The following PHF6 variants were observed in gnomAD, a reference collection of about 807,000 sequenced individuals.
PHF6 encodes the protein PHD-like zinc finger protein.
A neutral mutation model predicts 34.0 loss-of-function variants in PHF6; 7 were observed. The observed-to-expected ratio is 0.21, with a 90% CI of 0.12 to 0.39. The LOEUF is 0.39. Ranked by LOEUF, PHF6 falls within the 10% of genes least tolerant of loss-of-function variation. PHF6 has a pLI of 1.00. For missense variants in PHF6, 128 were observed against 262.8 expected, an observed-to-expected ratio of 0.49 and a Z score of 3.55; for synonymous variants, 89 against 88.4, an observed-to-expected ratio of 1.01 and a Z score of -0.04.
At chrX:134,399,437 A>G (rs2077392130) in intron 5 of PHF6, among the ~76,000 whole-genome samples, 1 of 111,385 alleles carries the variant, frequency 9.0e-6, no homozygotes, top group South Asian at 3.8e-4. Flanking sequence ...CATTGTAACA[A>G]ATGTACCACT....
In PHF6 at chrX:134,415,105, A is replaced by G; in HGVS notation, c.819A>G (p.Lys273=). 2 of 1,207,815 alleles carry G rather than the reference A, an allele frequency of 1.7e-6. No individual in the cohort carries two copies. The highest frequency in any genetic ancestry group is 2.2e-6 in the Non-Finnish European group (2 of 892,115). ...FDIKTVLQEI[K]RGKRMKCTLC... ...TTAAAACTGTACTTCAGGAGATTAAACGAGGAAAAAGAATGGTCTGTAGTT... is the reference window on the plus strand; with the variant it reads ...TTAAAACTGTACTTCAGGAGATTAAGCGAGGAAAAAGAATGGTCTGTAGTT... Residue 273 remains lysine (K), a synonymous_variant, in exon 8 of 11, where the codon AAA becomes AAG. Transcript: ENST00000370803.
At position 134,393,957 on chromosome X, in the gene PHF6, A is replaced by G; in HGVS notation, c.418+5A>G. 1 of 1,209,334 alleles carries G rather than the reference A, an allele frequency of 8.3e-7. No individual in the cohort carries two copies. Among genetic ancestry groups the G allele is most frequent in the South Asian group, 1.8e-5 (1 of 56,945 alleles). Reference sequence around the variant, plus strand: ...AAACTGCACATAACTCCGAAGGTACATCATTTAGCCACGTTTCAGCCACTT... The same window carrying G: ...AAACTGCACATAACTCCGAAGGTACGTCATTTAGCCACGTTTCAGCCACTT... On this transcript the variant is annotated splice_donor_5th_base_variant and intron_variant, in intron 5 of 10. Coordinates refer to ENST00000370803, the MANE Select transcript of PHF6 (RefSeq NM_001015877.2).
intron 9 of PHF6, among the ~76,000 whole-genome samples, chrX:134,423,974 C>T (rs1003261813): frequency 9.3e-6 from 1 of 107,344 alleles, no homozygotes; most frequent in African/African-American, 3.4e-5. Flanking sequence ...GATGGGGGGA[C>T]GGGGGAGGGA....
chrX:134,377,517 G>A, intron 1 of PHF6, 55 bp from the exon 2 acceptor site: 7 of 919,567 alleles, frequency 7.6e-6, no homozygotes, highest in Non-Finnish European at 1.1e-5. Context: ...TCATGAATAT[G>A]TATAAACTGA....
chrX:134,400,973 C>T (rs1386873247), intron 5 of PHF6, among the ~76,000 whole-genome samples: 2 of 111,832 alleles, frequency 1.8e-5, no homozygotes, highest in South Asian at 3.7e-4. Flanking sequence ...GAACAAGAAA[C>T]AAGAAAGCAT....
rs1408010892 is a variant in PHF6, at chrX:134,428,556, A to T, written c.*2896A>T. ...TGTTCTAGAGTGTTGTTGCTTTTTT[A>T]AAAAAAGCGCTGAAGTTAGACCAAG... is the stretch of plus-strand genomic sequence containing the variant. On this transcript the variant is annotated 3_prime_UTR_variant, in exon 11 of 11. Coordinates refer to ENST00000370803, the MANE Select transcript of PHF6 (RefSeq NM_001015877.2). The T allele has an allele frequency of 1.9e-5, 3 of 154,436 alleles. No homozygotes were observed. Among genetic ancestry groups the T allele is most frequent in the South Asian group, 3.3e-4 (1 of 3,063 alleles). The allele number at this position is 154,436 out of a possible 1,213,427, so 12.7% of individuals were successfully genotyped here.
intron 5 of PHF6, 112 bp from the exon 6 acceptor site, chrX:134,413,379 C>T: frequency 1.2e-6 from 1 of 805,231 alleles, no homozygotes; most frequent in East Asian, 3.2e-5. Flanking sequence ...ACCATTTCTC[C>T]TCATTTCTGG....
intron 9 of PHF6, among the ~76,000 whole-genome samples, chrX:134,424,975 C>T (rs1350066783): frequency 1.8e-5 from 2 of 111,830 alleles, no homozygotes; most frequent in Non-Finnish European, 3.8e-5. Flanking sequence ...AACTGTCATC[C>T]TAAACCAGAG....
In PHF6 at chrX:134,427,820, C is replaced by T. The variant is rs2077512249; in HGVS notation, c.*2160C>T. 6.3e-6 allele frequency: 1 copy of T among 159,752 alleles called. No individual in the cohort carries two copies. The highest frequency in any genetic ancestry group is 9.5e-5 in the East Asian group (1 of 10,546). 13.2% of individuals were successfully genotyped at this position (159,752 alleles called of 1,213,427 possible). On this transcript the variant is annotated 3_prime_UTR_variant, in exon 11 of 11. Transcript: ENST00000370803. ...ACCTCCAATGTTTTGATTCTCTAAT[C>T]ATGTTTTCGTCACATGCTGAGTAAA...
intron 3 of PHF6, among the ~76,000 whole-genome samples, chrX:134,385,571 G>T (rs1431428803): frequency 8.9e-6 from 1 of 112,049 alleles, no homozygotes. Flanking sequence ...GCTTCAGCTG[G>T]ATAATAGTGT....
chrX:134,416,204 C>T (rs1204922568), intron 8 of PHF6, among the ~76,000 whole-genome samples: 2 of 110,831 alleles, frequency 1.8e-5, no homozygotes, highest in East Asian at 2.8e-4. Flanking sequence ...ATGTGATCCA[C>T]CCACCTCGGC....
At chrX:134,373,668 CAGA>C (rs1005915876) in intron 1 of PHF6, among the ~76,000 whole-genome samples, 4 of 111,824 alleles carry the variant, frequency 3.6e-5, no homozygotes, top group Non-Finnish European at 5.7e-5. Context: ...TTTGGAGGTG[CAGA>C]AGGAGAGGTT....
At chrX:134,373,511 C>G (rs1040797538) in intron 1 of PHF6, 44 bp downstream of exon 1, 1 of 111,780 alleles carries the variant, frequency 8.9e-6, no homozygotes, top group Non-Finnish European at 1.9e-5. Context: ...CTCTCCCCGG[C>G]GGGAGAAGAC....
chrX:134,385,932 C>A (rs751765328), intron 3 of PHF6, among the ~76,000 whole-genome samples: 2 of 111,542 alleles, frequency 1.8e-5, no homozygotes. Context: ...TCTACCAGCA[C>A]AATGCTAGGT....
At chrX:134,417,122 T>C (rs2077475063) in intron 8 of PHF6, 47 bp from the exon 9 acceptor site, 1 of 1,194,087 alleles carries the variant, frequency 8.4e-7, no homozygotes, top group Admixed American at 2.2e-5. Flanking sequence ...AAATAGCTGC[T>C]GTTTTCTTGA....
chrX:134,415,595 A>G (rs752290380), intron 8 of PHF6, among the ~76,000 whole-genome samples: 9 of 112,354 alleles, frequency 8.0e-5, no homozygotes, highest in Non-Finnish European at 1.7e-4. Context: ...TGAATTACCA[A>G]CAAGTAGCTC....
intron 5 of PHF6, among the ~76,000 whole-genome samples, chrX:134,396,497 A>C (rs776914185): frequency 9.0e-6 from 1 of 111,071 alleles, no homozygotes; most frequent in Non-Finnish European, 1.9e-5. Context: ...TTTCAAGACA[A>C]CTTTTCTTTT....
At chrX:134,386,156 T>G (rs770066784) in intron 3 of PHF6, among the ~76,000 whole-genome samples, 2 of 111,497 alleles carry the variant, frequency 1.8e-5, no homozygotes, top group Non-Finnish European at 3.8e-5. Flanking sequence ...AAATATTAAA[T>G]AAGTATTAAA....
At chrX:134,417,138 G>C (rs371036912) in intron 8 of PHF6, 31 bp from the exon 9 acceptor site, 1 of 1,205,928 alleles carries the variant, frequency 8.3e-7, no homozygotes, top group Non-Finnish European at 1.1e-6. Flanking sequence ...CTTGAAATAC[G>C]GCTTACGATT....
Sources: gnomAD v4.1 joint callset for allele counts (sites outside exome capture counted in the v4.1 genomes callset) on GRCh38, gnomAD v4.1.1 for gene constraint, MANE v1.5 for transcripts, NCBI Gene and HGNC (gene_info 2026-07-23, HGNC 2026-07-21) for gene names.